Variants in ZNF708 observed in about 807,000 individuals in gnomAD.
ZNF708 encodes ZNF15, ZNF15L1.
A neutral mutation model predicts 47.0 loss-of-function variants in ZNF708; 44 were observed. That is an observed-to-expected ratio of 0.94 (90% CI 0.74 to 1.20). ZNF708 has a LOEUF of 1.20. Ranked by LOEUF, ZNF708 falls within the 50% of genes most tolerant of loss-of-function variation. The pLI is 0.00. For missense variants in ZNF708, 557 were observed against 656.0 expected (o/e 0.85, Z 1.65); for synonymous variants, 184 against 218.5 (o/e 0.84, Z 1.39).
At chr19:21,311,913 C>A (rs1403366299) in intron 1 of ZNF708, among the ~76,000 whole-genome samples, 1 of 152,120 alleles carries the variant, frequency 6.6e-6, no homozygotes, top group Non-Finnish European at 1.5e-5. Context: ...CCTTTTAGTG[C>A]AAAGGTGAGA....
At position 21,329,262 on chromosome 19, in the gene ZNF708, C is replaced by G. The variant is rs766761726; in HGVS notation, c.-50G>C. ...AGTCTTAGCTGTGGATCTCCCAATA[C>G]CTGCAGGTCACAGAGCCACAGAGTC... On this transcript the variant is annotated 5_prime_UTR_variant, in exon 1 of 4. Coordinates refer to ENST00000356929, the MANE Select transcript of ZNF708 (RefSeq NM_021269.3). 6.2e-7 allele frequency: 1 copy of G among 1,608,270 alleles called. No homozygotes were observed. The highest frequency in any genetic ancestry group is 1.1e-5 in the South Asian group (1 of 91,034).
chr19:21,317,816 A>T (rs1973045991), intron 1 of ZNF708, among the ~76,000 whole-genome samples: 1 of 152,226 alleles, frequency 6.6e-6, no homozygotes, highest in Non-Finnish European at 1.5e-5. Flanking sequence ...ATTGGTTATA[A>T]TCAATGACAA....
chr19:21,305,700 A>G (rs2145162465), intron 3 of ZNF708, among the ~76,000 whole-genome samples: 1 of 152,110 alleles, frequency 6.6e-6, no homozygotes, highest in African/African-American at 2.4e-5. Flanking sequence ...TGACCTCATG[A>G]TCTGCCCGCC....
chr19:21,317,288 CA>C (rs1973035984), intron 1 of ZNF708, among the ~76,000 whole-genome samples: 1 of 151,962 alleles, frequency 6.6e-6, no homozygotes, highest in South Asian at 2.1e-4. Flanking sequence ...TCAACAACAA[CA>C]AAAAAGTCAC....
At chr19:21,308,061 C>A (rs1457503322) in intron 3 of ZNF708, among the ~76,000 whole-genome samples, 1 of 151,630 alleles carries the variant, frequency 6.6e-6, no homozygotes, top group African/African-American at 2.4e-5. Context: ...TGAAAAAAAT[C>A]TTTACAATAA....
intron 3 of ZNF708, among the ~76,000 whole-genome samples, chr19:21,305,083 T>C (rs1972733184): frequency 1.3e-5 from 2 of 151,290 alleles, no homozygotes; most frequent in Admixed American, 1.3e-4. Context: ...TGATCTCGGC[T>C]CACTACAAAC....
intron 1 of ZNF708, among the ~76,000 whole-genome samples, chr19:21,314,794 T>C (rs1204897193): frequency 1.3e-5 from 2 of 152,148 alleles, no homozygotes; most frequent in Non-Finnish European, 2.9e-5. Context: ...ATGACTCATT[T>C]CTCTTACACT....
intron 3 of ZNF708, among the ~76,000 whole-genome samples, chr19:21,300,911 C>T (rs969356772): frequency 5.3e-5 from 8 of 151,938 alleles, no homozygotes; most frequent in Admixed American, 3.3e-4. Context: ...CCACCTGCCT[C>T]GGCCTCCCAG....
In ZNF708 at chr19:21,294,108, G is replaced by A. The variant is rs759384046; in HGVS notation, c.858C>T (p.Gly286=). ...GGTTTGAGGACTGTTTAAAAGCTTT[G>A]CCACATTCTTCACATTTGTAGGGTT... is the stretch of plus-strand genomic sequence containing the variant. ...GEKPYKCEEC[G]KAFKQSSNLT... is the part of the protein sequence containing the mutation. Residue 286 remains glycine (G), a synonymous_variant, in exon 4 of 4, where the codon GGC becomes GGT. Transcript: ENST00000356929. The A allele has an allele frequency of 3.7e-6, 6 of 1,611,560 alleles. No individual in the cohort carries two copies. The African/African-American group carries it at 4.0e-5, about 11-fold the overall frequency.
chr19:21,317,128 A>AC (rs932491835), intron 1 of ZNF708, among the ~76,000 whole-genome samples: 1 of 151,670 alleles, frequency 6.6e-6, no homozygotes, highest in Non-Finnish European at 1.5e-5. Flanking sequence ...AAAAAAAAAA[A>AC]AATTAGCCAG....
intron 3 of ZNF708, among the ~76,000 whole-genome samples, chr19:21,298,865 G>A (rs111714774): frequency 2.4e-4 from 37 of 152,078 alleles, no homozygotes; most frequent in African/African-American, 7.7e-4. Flanking sequence ...ATATAAAAAC[G>A]GAATATCACT....
intron 1 of ZNF708, 130 bp from the exon 2 acceptor site, chr19:21,310,757 A>T: frequency 4.4e-6 from 3 of 677,480 alleles, no homozygotes; most frequent in Non-Finnish European, 6.4e-6. Context: ...ATTATCCAAT[A>T]AAATAATTTT....
intron 1 of ZNF708, among the ~76,000 whole-genome samples, chr19:21,324,186 G>A (rs961307720): frequency 6.6e-6 from 1 of 152,118 alleles, no homozygotes; most frequent in Admixed American, 6.6e-5. Flanking sequence ...GGACCTTGCA[G>A]TGAGCTGAGA....
At chr19:21,315,353 C>T (rs1209527200) in intron 1 of ZNF708, among the ~76,000 whole-genome samples, 1 of 152,186 alleles carries the variant, frequency 6.6e-6, no homozygotes, top group Non-Finnish European at 1.5e-5. Context: ...AAGTCTGGCC[C>T]TGTCTTGTAA....
chr19:21,319,565 A>G (rs1327851106), intron 1 of ZNF708, among the ~76,000 whole-genome samples: 1 of 151,616 alleles, frequency 6.6e-6, no homozygotes, highest in East Asian at 1.9e-4. Flanking sequence ...GGGATTCTGT[A>G]TCAACCTCCG....
chr19:21,301,268 T>C (rs1972653974), intron 3 of ZNF708, among the ~76,000 whole-genome samples: 1 of 150,876 alleles, frequency 6.6e-6, no homozygotes, highest in African/African-American at 2.4e-5. Flanking sequence ...CTTGAGGTCA[T>C]GAGTTCAAGA....
At chr19:21,327,571 C>G (rs961423517) in intron 1 of ZNF708, among the ~76,000 whole-genome samples, 7 of 151,596 alleles carry the variant, frequency 4.6e-5, no homozygotes, top group African/African-American at 1.7e-4. Flanking sequence ...ACAGATGTGT[C>G]TGACTGATAT....
intron 1 of ZNF708, 87 bp downstream of exon 1, chr19:21,329,123 C>T: frequency 1.3e-6 from 2 of 1,565,558 alleles, no homozygotes; most frequent in Non-Finnish European, 1.8e-6. Context: ...GAGATGACTG[C>T]GGGGAGTCCT....
Position 21,329,311 on chromosome 19 carries a change from A to G in ZNF708, c.-99T>C. ...TCTGGGCCTCTAGGAGCAGAGGACA[A>G]ACAGCAGTGAAGACGAGACCGGAGC... On this transcript the variant is annotated 5_prime_UTR_variant, in exon 1 of 4. Transcript: ENST00000356929. 6.4e-7 allele frequency: 1 copy of G among 1,556,760 alleles called. No homozygotes were observed. The highest frequency in any genetic ancestry group is 8.8e-7 in the Non-Finnish European group (1 of 1,134,584).
Sources: gnomAD v4.1 joint callset for allele counts (sites outside exome capture counted in the v4.1 genomes callset) on GRCh38, gnomAD v4.1.1 for gene constraint, MANE v1.5 for transcripts, NCBI Gene and HGNC (gene_info 2026-07-23, HGNC 2026-07-21) for gene names.